PRELID3A: variants seen among roughly 807,000 people sequenced by gnomAD.
The protein encoded by PRELID3A is PRELI domain containing 3A.
Under a neutral mutation model 23.0 loss-of-function variants are expected in PRELID3A, and 27 were observed. The ratio of observed to expected loss-of-function variants is 1.17; its 90% CI spans 0.87 to 1.62. The LOEUF (loss-of-function observed/expected upper bound fraction) is 1.62. Among genes scored for constraint, PRELID3A ranks in the 40% most tolerant of loss-of-function variants. PRELID3A has a pLI of 0.00. For missense variants in PRELID3A, 231 were observed against 231.4 expected, an observed-to-expected ratio of 1.00 and a Z score of 0.01; for synonymous variants, 87 against 86.4, an observed-to-expected ratio of 1.01 and a Z score of -0.04.
rs67993774 is a variant in PRELID3A, at chr18:12,426,563, A to AAAACAAAAAAAAAAG, written c.292-475_292-474insCAAAAAAAAAAGAAA. ...AGTGAGACTCCATCTCAAAAAAAAAAAAAGTATAAATATGTACATAAGGAG... is the reference window on the plus strand; with the variant it reads ...AGTGAGACTCCATCTCAAAAAAAAAAAAACAAAAAAAAAAGAAAGTATAAATATGTACATAAGGAG... On this transcript the variant is annotated intron_variant, in intron 3 of 6. Coordinates refer to ENST00000440960, the MANE Select transcript of PRELID3A (RefSeq NM_001142405.2). 2.3e-5 allele frequency among the ~76,000 whole-genome samples: 2 copies of AAAACAAAAAAAAAAG among 87,720 alleles called. 1 individual carries two copies. The highest frequency in any genetic ancestry group is 8.0e-4 in the East Asian group (2 of 2,498). 57.5% of individuals were successfully genotyped at this position (87,720 alleles called of 152,430 possible). A position where few individuals can be genotyped will look rare whatever the true frequency, so the allele number is the denominator to read the frequency against.
At position 12,427,023 on chromosome 18, in the gene PRELID3A, C is replaced by CT. The variant is rs746673861; in HGVS notation, c.292-10dup. 51 of 1,583,944 alleles carry CT rather than the reference C, an allele frequency of 3.2e-5. No individual in the cohort carries two copies. Among genetic ancestry groups the CT allele is most frequent in the Non-Finnish European group, 3.6e-5 (41 of 1,153,132 alleles). ...AATGCAAGAGAAATACAATCTAAAC[C>CT]TTTTTTTTCTTTTTAAGATCACACT... is the stretch of plus-strand genomic sequence containing the variant. On this transcript the variant is annotated splice_polypyrimidine_tract_variant and intron_variant, in intron 3 of 6. Coordinates refer to ENST00000440960, the MANE Select transcript of PRELID3A (RefSeq NM_001142405.2).
intron 3 of PRELID3A, among the ~76,000 whole-genome samples, chr18:12,426,794 T>C (rs1222514973): frequency 6.6e-6 from 1 of 152,168 alleles, no homozygotes; most frequent in Non-Finnish European, 1.5e-5. Flanking sequence ...GCAGCTTGAC[T>C]GTACCTTGAA....
chr18:12,426,001 G>C (rs1410134758), intron 3 of PRELID3A, among the ~76,000 whole-genome samples: 36 of 151,822 alleles, frequency 2.4e-4, no homozygotes, highest in African/African-American at 8.5e-4. Context: ...CTTTGGGAGG[G>C]TAAGGCAGAC....
chr18:12,430,525 G>A (rs2030541747), intron 6 of PRELID3A, among the ~76,000 whole-genome samples: 1 of 148,516 alleles, frequency 6.7e-6, no homozygotes, highest in Admixed American at 6.7e-5. Flanking sequence ...GCGTGTGTGG[G>A]GTGTGTGTGA....
Position 12,420,432 on chromosome 18 carries a change from G to A in PRELID3A, c.140G>A (p.Gly47Asp), listed in dbSNP as rs1225116040. The A allele has an allele frequency of 1.3e-6, 2 of 1,586,494 alleles. No homozygotes were observed. Among genetic ancestry groups the A allele is most frequent in the Admixed American group, 1.8e-5 (1 of 55,884 alleles). The change falls in exon 2 of 7, where the codon GGC becomes GAC. Residue 47 changes from glycine to aspartate, a missense_variant. Coordinates refer to ENST00000440960, the MANE Select transcript of PRELID3A (RefSeq NM_001142405.2). ...DVLQRRVDGR[G>D]RLHSLRLLST... ...CTACAGCGCCGCGTGGACGGCCGCG[G>A]CCGCCTGCACAGCTTGCGCCTGCTC...
intron 1 of PRELID3A, among the ~76,000 whole-genome samples, chr18:12,415,322 C>T (rs1180880549): frequency 6.6e-6 from 1 of 151,512 alleles, no homozygotes; most frequent in Admixed American, 6.6e-5. Context: ...TGCAGTGGTG[C>T]GTTCTTGGCT....
intron 1 of PRELID3A, among the ~76,000 whole-genome samples, chr18:12,413,061 G>A (rs887521902): frequency 2.0e-5 from 3 of 152,172 alleles, no homozygotes; most frequent in African/African-American, 7.2e-5. Flanking sequence ...ACATGCAGCT[G>A]GAAAAGGTGG....
intron 3 of PRELID3A, among the ~76,000 whole-genome samples, chr18:12,424,957 AC>A (rs1194750975): frequency 6.6e-6 from 1 of 152,148 alleles, no homozygotes; most frequent in East Asian, 1.9e-4. Flanking sequence ...AGCTTGGCCA[AC>A]ATGGCAAAAC....
At chr18:12,416,870 C>A (rs978073886) in intron 1 of PRELID3A, among the ~76,000 whole-genome samples, 1 of 152,024 alleles carries the variant, frequency 6.6e-6, no homozygotes, top group African/African-American at 2.4e-5. Context: ...TGGTCTCGAT[C>A]TCCTGACCTC....
At chr18:12,421,461 G>A (rs1332355843) in intron 2 of PRELID3A, 79 bp from the exon 3 acceptor site, 1 of 881,938 alleles carries the variant, frequency 1.1e-6, no homozygotes, top group Non-Finnish European at 1.9e-6. Flanking sequence ...GAACTAATTA[G>A]TAAATGCAAT....
intron 1 of PRELID3A, among the ~76,000 whole-genome samples, chr18:12,417,440 C>T (rs1252158501): frequency 6.6e-6 from 1 of 152,184 alleles, no homozygotes; most frequent in African/African-American, 2.4e-5. Flanking sequence ...TCCCACAGTG[C>T]TGGGATTACA....
In PRELID3A at chr18:12,420,491, G is replaced by A. The variant is rs954386272; in HGVS notation, c.199G>A (p.Ala67Thr). ...TEWGLPSLVR[A>T]ILGTSRTLTY... The stretch of plus-strand genomic sequence containing the variant: ...GTGGGGGCTGCCCAGCCTCGTGAGA[G>A]CGGTGAGCGGGGCGGGGGCTGCGGC... The change falls in exon 2 of 7, where the codon GCG (alanine) becomes ACG (threonine). Residue 67 changes from alanine (A) to threonine (T), a missense_variant and splice_region_variant. By Grantham distance (58) the Ala-to-Thr change is moderately conservative. Transcript: ENST00000440960. 30 of 1,533,520 alleles carry A rather than the reference G, an allele frequency of 2.0e-5. No homozygotes were observed. The highest frequency in any genetic ancestry group is 2.2e-5 in the Non-Finnish European group (25 of 1,138,992). 95.0% of individuals were successfully genotyped at this position (1,533,520 alleles called of 1,614,324 possible). A position where few individuals can be genotyped will look rare whatever the true frequency, so the allele number is the denominator to read the frequency against.
chr18:12,416,118 G>A (rs1198008626), intron 1 of PRELID3A, among the ~76,000 whole-genome samples: 3 of 152,200 alleles, frequency 2.0e-5, no homozygotes, highest in Admixed American at 2.0e-4. Context: ...GGCAGGGGCG[G>A]GGTGTCCATT....
At chr18:12,426,509 G>A (rs186513429) in intron 3 of PRELID3A, among the ~76,000 whole-genome samples, 35 of 128,672 alleles carry the variant, frequency 2.7e-4, no homozygotes, top group Middle Eastern at 0.014. Context: ...AGCCGAGATC[G>A]CGCCACTGCA....
chr18:12,411,320 G>T (rs1289491664), intron 1 of PRELID3A, among the ~76,000 whole-genome samples: 2 of 151,190 alleles, frequency 1.3e-5, no homozygotes, highest in African/African-American at 2.4e-5. Context: ...AAAAAAATTA[G>T]CTGGGCGTGG....
At chr18:12,428,509 T>C (rs1188474709) in intron 5 of PRELID3A, among the ~76,000 whole-genome samples, 1 of 152,218 alleles carries the variant, frequency 6.6e-6, no homozygotes, top group Non-Finnish European at 1.5e-5. Context: ...TTCCTAAGGC[T>C]GTACTTCCCT....
At chr18:12,430,348 G>T (rs2030528394) in intron 6 of PRELID3A, among the ~76,000 whole-genome samples, 2 of 146,282 alleles carry the variant, frequency 1.4e-5, no homozygotes, top group South Asian at 4.4e-4. Context: ...GCTGTGCGTG[G>T]TATGTATATA....
At chr18:12,414,888 G>T (rs890434303) in intron 1 of PRELID3A, among the ~76,000 whole-genome samples, 23 of 152,166 alleles carry the variant, frequency 1.5e-4, no homozygotes, top group Admixed American at 1.5e-3. Context: ...TGGTGGTGGG[G>T]TATAGCAGGC....
chr18:12,421,333 A>AT, intron 2 of PRELID3A: 2 of 575,158 alleles, frequency 3.5e-6, no homozygotes, highest in South Asian at 4.4e-5. Context: ...TGCACGCTCC[A>AT]CTCTGTTGGA....
Sources: allele counts gnomAD v4.1 joint callset (sites outside exome capture counted in the v4.1 genomes callset), GRCh38; gene constraint gnomAD v4.1.1; transcripts MANE v1.5; gene names NCBI Gene and HGNC (gene_info 2026-07-23, HGNC 2026-07-21).